Variants in PRKCD observed in about 807,000 individuals in gnomAD.
PRKCD encodes the protein protein kinase C delta.
A neutral mutation model predicts 82.2 loss-of-function variants in PRKCD; 20 were observed. That is an observed-to-expected ratio of 0.24 (90% CI 0.17 to 0.35). The LOEUF (loss-of-function observed/expected upper bound fraction) is 0.35. Ranked by LOEUF, PRKCD falls within the 10% of genes least tolerant of loss-of-function variation. PRKCD has a pLI of 1.00. For missense variants in PRKCD, 607 were observed against 899.0 expected (o/e 0.68, Z 4.15); for synonymous variants, 317 against 337.0 (o/e 0.94, Z 0.65).
In PRKCD at chr3:53,180,003, G is replaced by A. The variant is rs567152372; in HGVS notation, c.315+227G>A. Among the ~76,000 whole-genome samples the A allele has an allele frequency of 9.9e-5, 15 of 152,264 alleles. No homozygotes were observed. In the East Asian group the frequency reaches 2.3e-3, roughly 24 times the overall value. On this transcript the variant is annotated intron_variant, in intron 4 of 18. Coordinates refer to ENST00000330452, the MANE Select transcript of PRKCD (RefSeq NM_006254.4). ...CCAGCCTCTCTGAGCTTCTGCTTCC[G>A]CATCTGTTAAGGGAAGGCGCTACTA...
chr3:53,188,996 A>G, intron 16 of PRKCD, 62 bp from the exon 17 acceptor site: 1 of 1,572,732 alleles, frequency 6.4e-7, no homozygotes, highest in Non-Finnish European at 8.6e-7. Flanking sequence ...CTTCGTGCCC[A>G]GGGGCCCCTC....
chr3:53,192,633 A>G lies in PRKCD; in HGVS notation c.*367A>G, dbSNP rs1703967880. On this transcript the variant is annotated 3_prime_UTR_variant, in exon 19 of 19. Transcript: ENST00000330452. The stretch of plus-strand genomic sequence containing the variant: ...TGATCTTTTTCAAAAAAATATATAT[A>G]TGACAAAAAAAAAAAAAAAGGAGCA... 1.4e-5 allele frequency: 1 copy of G among 72,564 alleles called. No individual in the cohort carries two copies. The highest frequency in any genetic ancestry group is 4.3e-5 in the African/African-American group (1 of 23,082). 4.5% of individuals were successfully genotyped at this position (72,564 alleles called of 1,614,324 possible).
Position 53,171,663 on chromosome 3 carries a change from G to A in PRKCD, c.-20+6448G>A, listed in dbSNP as rs1467039713. On this transcript the variant is annotated intron_variant, in intron 2 of 18. Coordinates refer to ENST00000330452, the MANE Select transcript of PRKCD (RefSeq NM_006254.4). ...GCTAGCTTCCTGAGAGGTGGGAAGG[G>A]TCCCCCAGGGCCAGCCTTCTGAGCT... is the stretch of plus-strand genomic sequence containing the variant. Among the ~76,000 whole-genome samples, 3 of 152,352 alleles carry A rather than the reference G, an allele frequency of 2.0e-5. No homozygotes were observed. The East Asian group carries it at 5.8e-4, about 29-fold the overall frequency.
rs1425321736 is a variant in PRKCD at position 53,188,995 on chromosome 3, CA to C, written c.1555-62del. On this transcript the variant is annotated intron_variant, in intron 16 of 18. Transcript: ENST00000330452. ...AGGCGGCCTGGCTAGGCTTCGTGCC[CA>C]GGGGCCCCTCTCAGCCTCAGCACCT... 6.9e-5 allele frequency: 109 copies of C among 1,572,718 alleles called. 1 individual carries two copies. In the African/African-American group the frequency reaches 1.4e-3, roughly 20 times the overall value.
At chr3:53,189,731 G>A in intron 17 of PRKCD, 142 bp from the exon 18 acceptor site, 3 of 1,151,864 alleles carry the variant, frequency 2.6e-6, no homozygotes, top group Non-Finnish European at 2.5e-6. Context: ...GGCCAGAGTG[G>A]CCTCCCTCAG....
chr3:53,163,323 T>C (rs1553663363), intron 1 of PRKCD, among the ~76,000 whole-genome samples: 1 of 144,452 alleles, frequency 6.9e-6, no homozygotes, highest in Non-Finnish European at 1.5e-5. Flanking sequence ...CAGGAGGGGG[T>C]GTGACAAGGT....
chr3:53,185,500 C>T (rs1439975094), intron 10 of PRKCD, 104 bp from the exon 11 acceptor site: 5 of 947,648 alleles, frequency 5.3e-6, no homozygotes, highest in Non-Finnish European at 8.2e-6. Context: ...CTGTTGTCTC[C>T]TCTTGGTGTT....
chr3:53,177,422 A>G (rs1703249102), intron 2 of PRKCD, among the ~76,000 whole-genome samples: 1 of 152,204 alleles, frequency 6.6e-6, no homozygotes. Context: ...CACTGCCCTG[A>G]TCCCTGAACA....
In PRKCD at chr3:53,181,639, C is replaced by A. The variant is rs372778250; in HGVS notation, c.539+33C>A. 5 of 1,613,846 alleles carry A rather than the reference C, an allele frequency of 3.1e-6. No homozygotes were observed. In the East Asian group the frequency reaches 1.1e-4, roughly 36 times the overall value. On this transcript the variant is annotated intron_variant, in intron 6 of 18. Transcript: ENST00000330452. ...CCGGCCATGCCCACTGGTGGTGGTG[C>A]AGGGTAGTGGGGGCCGATCCCGGTC...
chr3:53,189,669 G>A (rs561467413), intron 17 of PRKCD, among the ~76,000 whole-genome samples: 1 of 152,212 alleles, frequency 6.6e-6, no homozygotes, highest in Non-Finnish European at 1.5e-5. Context: ...CAGCAGAGTC[G>A]CAGATGTCCA....
intron 2 of PRKCD, 38 bp from the exon 3 acceptor site, chr3:53,178,366 C>T (rs1326403813): frequency 9.6e-6 from 14 of 1,456,960 alleles, no homozygotes; most frequent in Non-Finnish European, 1.3e-5. Flanking sequence ...CCCGCTGGTC[C>T]CGCCCGGCCG....
intron 9 of PRKCD, among the ~76,000 whole-genome samples, chr3:53,184,655 A>G (rs567995953): frequency 1.9e-3 from 283 of 147,372 alleles, no homozygotes; most frequent in Non-Finnish European, 2.9e-3. Flanking sequence ...AGCCTGGGCA[A>G]TAAGAGGGAA....
Position 53,184,958 on chromosome 3 carries a change from T to C in PRKCD, c.872T>C (p.Leu291Ser). The C allele has an allele frequency of 6.2e-7, 1 of 1,613,948 alleles. No homozygotes were observed. The highest frequency in any genetic ancestry group is 8.5e-7 in the Non-Finnish European group (1 of 1,179,910). ...AACCAGAAGCTTTTGGCTGAGGCCT[T>C]GAACCAAGTCACCCAGGTGGGCAGG... Reference protein sequence around the residue: ...GINQKLLAEALNQVTQRASRR... With the variant: ...GINQKLLAEASNQVTQRASRR... Residue 291 changes from leucine to serine, a missense_variant, in exon 10 of 19, where the codon TTG (leucine) becomes TCG (serine). Physicochemically the swap from Leu to Ser is moderately radical, Grantham distance 145 (BLOSUM62 -2). Transcript: ENST00000330452.
At position 53,169,606 on chromosome 3, in the gene PRKCD, G is replaced by A. The variant is rs1374362156; in HGVS notation, c.-20+4391G>A. On this transcript the variant is annotated intron_variant, in intron 2 of 18. Coordinates refer to ENST00000330452, the MANE Select transcript of PRKCD (RefSeq NM_006254.4). The surrounding 1 kb of genome is among the most constrained non-coding windows in gnomAD (Gnocchi z 4.7). Reference sequence around the variant, plus strand: ...GTGGTGTAGGTTGTGGGCTGGGGTTGTTGGGGTGGGAGGAGGATCCCAGGG... The same window carrying A: ...GTGGTGTAGGTTGTGGGCTGGGGTTATTGGGGTGGGAGGAGGATCCCAGGG... 6.6e-6 allele frequency among the ~76,000 whole-genome samples: 1 copy of A among 151,728 alleles called. No homozygotes were observed. Among genetic ancestry groups the A allele is most frequent in the Non-Finnish European group, 1.5e-5 (1 of 67,904 alleles).
chr3:53,167,168 T>C (rs114470539), intron 2 of PRKCD, among the ~76,000 whole-genome samples: 1,537 of 152,204 alleles, frequency 0.01, 32 homozygotes, highest in African/African-American at 0.035. Context: ...GCCCAGGAAG[T>C]GGTTTTGGAG....
intron 2 of PRKCD, among the ~76,000 whole-genome samples, chr3:53,168,702 C>A (rs1702913601): frequency 6.6e-6 from 1 of 151,776 alleles, no homozygotes; most frequent in African/African-American, 2.4e-5. Context: ...GAAGACGGAA[C>A]AGCAAGCCCA....
chr3:53,185,975 A>G lies in PRKCD; in HGVS notation c.1034A>G (p.Asn345Ser), dbSNP rs782756704. ...GKIWEGSSKCNINNFIFHKVL... is the reference protein window; with the variant it reads ...GKIWEGSSKCSINNFIFHKVL... ...ATCTGGGAGGGCAGCAGCAAGTGCA[A>G]CATCAACAACTTCATCTTCCACAAG... is the stretch of plus-strand genomic sequence containing the variant. The change falls in exon 12 of 19, where the codon AAC becomes AGC. Residue 345 changes from asparagine (N) to serine (S), a missense_variant. Around this residue, in one of 5 missense-constraint regions of PRKCD, gnomAD observed 85 missense variants for 76.1 expected, o/e 1.12. Transcript: ENST00000330452. The G allele has an allele frequency of 3.1e-6, 5 of 1,614,232 alleles. 1 individual carries two copies. The highest frequency in any genetic ancestry group is 3.3e-4 in the Middle Eastern group (2 of 6,062).
intron 7 of PRKCD, among the ~76,000 whole-genome samples, chr3:53,182,419 C>T (rs1356560989): frequency 6.6e-6 from 1 of 152,082 alleles, no homozygotes; most frequent in Non-Finnish European, 1.5e-5. Context: ...CAGGCGTGCA[C>T]CACCATGCCC....
At position 53,188,862 on chromosome 3, in the gene PRKCD, A is replaced by G. The variant is rs1703812824; in HGVS notation, c.1554+4A>G. 6.2e-7 allele frequency: 1 copy of G among 1,613,860 alleles called. No individual in the cohort carries two copies. The highest frequency in any genetic ancestry group is 1.3e-5 in the African/African-American group (1 of 75,058). Reference sequence around the variant, plus strand: ...CCCTGACTATATCGCCCCTGAGGTGAGCCGATACCCTTCCAGCCCCCCGCT... The same window carrying G: ...CCCTGACTATATCGCCCCTGAGGTGGGCCGATACCCTTCCAGCCCCCCGCT... On this transcript the variant is annotated splice_donor_region_variant and intron_variant, in intron 16 of 18. Coordinates refer to ENST00000330452, the MANE Select transcript of PRKCD (RefSeq NM_006254.4).
Sources: gnomAD v4.1 joint callset for allele counts (sites outside exome capture counted in the v4.1 genomes callset) on GRCh38, gnomAD v4.1.1 for gene constraint, gnomAD v4.1.1 regional missense constraint, Gnocchi (gnomAD v3.1) non-coding constraint, MANE v1.5 for transcripts, NCBI Gene and HGNC (gene_info 2026-07-23, HGNC 2026-07-21) for gene names.